The following PLCH1 variants were observed in gnomAD, a reference collection of about 807,000 sequenced individuals.
The protein encoded by PLCH1 is 1-phosphatidylinositol 4,5-bisphosphate phosphodiesterase eta-1.
A neutral mutation model predicts 126.7 loss-of-function variants in PLCH1; 60 were observed. The ratio of observed to expected loss-of-function variants is 0.47; its 90% CI spans 0.38 to 0.59. The LOEUF is 0.59. Among genes scored for constraint, PLCH1 ranks in the 20% least tolerant of loss-of-function variants. The pLI, the probability that PLCH1 is intolerant of heterozygous loss-of-function variation, is 0.00. For synonymous variants in PLCH1, 719 were observed against 734.9 expected, an observed-to-expected ratio of 0.98 and a Z score of 0.35; for missense variants, 1,723 against 2,040.0, an observed-to-expected ratio of 0.84 and a Z score of 2.99.
intron 10 of PLCH1, among the ~76,000 whole-genome samples, chr3:155,541,771 C>G (rs941657224): frequency 6.6e-6 from 1 of 151,918 alleles, no homozygotes; most frequent in Admixed American, 6.6e-5. Flanking sequence ...AAAAACAGTG[C>G]CGAAAGACTT....
chr3:155,708,294 G>T (rs1243033600), intron 1 of PLCH1, among the ~76,000 whole-genome samples: 1 of 152,192 alleles, frequency 6.6e-6, no homozygotes, highest in Non-Finnish European at 1.5e-5. Context: ...GTAGGCCTGG[G>T]GCAAGGGAAG....
At chr3:155,563,384 C>T (rs1727892746) in intron 8 of PLCH1, among the ~76,000 whole-genome samples, 1 of 152,200 alleles carries the variant, frequency 6.6e-6, no homozygotes, top group South Asian at 2.1e-4. Context: ...CTCATTTAGA[C>T]TCTTGTTCTC....
At chr3:155,670,488 A>T (rs1743301160) in intron 2 of PLCH1, among the ~76,000 whole-genome samples, 1 of 152,162 alleles carries the variant, frequency 6.6e-6, no homozygotes, top group African/African-American at 2.4e-5. Flanking sequence ...GATCGATAGA[A>T]ATAATCATTC....
At chr3:155,515,953 C>A (rs1399590888) in intron 11 of PLCH1, among the ~76,000 whole-genome samples, 2 of 152,200 alleles carry the variant, frequency 1.3e-5, no homozygotes, top group Non-Finnish European at 2.9e-5. Context: ...ATAATGCATT[C>A]ATTTTCACAA....
intron 12 of PLCH1, among the ~76,000 whole-genome samples, chr3:155,509,227 T>C (rs1264387065): frequency 7.6e-6 from 1 of 131,524 alleles, no homozygotes; most frequent in East Asian, 2.0e-4. Context: ...TTATTGTGTC[T>C]ATTTGATTCT....
intron 2 of PLCH1, among the ~76,000 whole-genome samples, chr3:155,660,652 G>A (rs1742023972): frequency 5.3e-5 from 8 of 152,308 alleles, no homozygotes. Flanking sequence ...GTTGGGGGTA[G>A]GGGGTTTGCC....
intron 4 of PLCH1, among the ~76,000 whole-genome samples, chr3:155,588,885 T>C (rs1731728251): frequency 6.6e-6 from 1 of 152,200 alleles, no homozygotes; most frequent in Non-Finnish European, 1.5e-5. Flanking sequence ...TTGAAATCCC[T>C]TCCAACTCTA....
intron 11 of PLCH1, among the ~76,000 whole-genome samples, chr3:155,518,048 C>A (rs1720590690): frequency 6.6e-6 from 1 of 152,128 alleles, no homozygotes; most frequent in South Asian, 2.1e-4. Flanking sequence ...TGTTTTTTCC[C>A]ATATAGTAAT....
chr3:155,610,901 A>C (rs1466581005), intron 2 of PLCH1, among the ~76,000 whole-genome samples: 1 of 152,208 alleles, frequency 6.6e-6, no homozygotes, highest in Non-Finnish European at 1.5e-5. Flanking sequence ...TAAATGCTCC[A>C]CTTGAAAGAT....
In PLCH1 at chr3:155,596,338, C is replaced by A. The variant is rs1732986391; in HGVS notation, c.120G>T (p.Met40Ile). The change falls in exon 3 of 23, where the codon ATG (methionine) becomes ATT (isoleucine). Residue 40 changes from methionine (M) to isoleucine (I), a missense_variant. Coordinates refer to ENST00000460012, the MANE Select transcript of PLCH1 (RefSeq NM_014996.4). ...CTTTGGTTCCACGTTTCAGCTTGAT[C>A]ATCTGTGTCCCGGACTGCATCACAC... Reference protein sequence around the residue: ...CMSVMQSGTQMIKLKRGTKGL... With the variant: ...CMSVMQSGTQIIKLKRGTKGL... 6.2e-7 allele frequency: 1 copy of A among 1,613,680 alleles called. No individual in the cohort carries two copies. The highest frequency in any genetic ancestry group is 8.5e-7 in the Non-Finnish European group (1 of 1,179,718).
chr3:155,456,831 C>T (rs182787002), intron 21 of PLCH1: 2 of 153,118 alleles, frequency 1.3e-5, no homozygotes, highest in African/African-American at 4.8e-5. Context: ...AAAATTTCTA[C>T]TCATCCTTCA....
At chr3:155,516,972 T>C (rs1410893237) in intron 11 of PLCH1, among the ~76,000 whole-genome samples, 1 of 152,064 alleles carries the variant, frequency 6.6e-6, no homozygotes, top group Non-Finnish European at 1.5e-5. Flanking sequence ...TCCAGGAGCA[T>C]AAGAAACCTG....
intron 1 of PLCH1, among the ~76,000 whole-genome samples, chr3:155,720,845 A>G (rs1747895862): frequency 6.6e-6 from 1 of 152,226 alleles, no homozygotes; most frequent in Admixed American, 6.5e-5. Flanking sequence ...CAGAATTTGT[A>G]AAGTTTCAGG....
intron 21 of PLCH1, among the ~76,000 whole-genome samples, chr3:155,469,063 G>C (rs545287176): frequency 6.6e-6 from 1 of 152,254 alleles, no homozygotes; most frequent in African/African-American, 2.4e-5. Flanking sequence ...TGGAATAATA[G>C]GGGGAGGAGC....
Position 155,583,532 on chromosome 3 carries a change from A to G in PLCH1, c.711T>C (p.Ser237=), listed in dbSNP as rs989799328. ...RDLYLLLLSY[S]DKKDHLTVEE... ...CCACAGTTAGGTGATCTTTCTTGTC[A>G]CTGTAGCTCAAAAGTAACAAATAAA... Residue 237 remains serine, a synonymous_variant, in exon 6 of 23, where the codon AGT becomes AGC. Transcript: ENST00000460012. The G allele has an allele frequency of 2.5e-6, 4 of 1,606,678 alleles. No homozygotes were observed. The highest frequency in any genetic ancestry group is 3.4e-6 in the Non-Finnish European group (4 of 1,177,816).
intron 21 of PLCH1, among the ~76,000 whole-genome samples, chr3:155,467,846 G>A (rs1198397879): frequency 6.6e-6 from 1 of 152,176 alleles, no homozygotes; most frequent in East Asian, 1.9e-4. Context: ...TATAAGAAAT[G>A]TTAAAGGGAA....
chr3:155,706,438 G>A (rs552279424), intron 1 of PLCH1, among the ~76,000 whole-genome samples: 17 of 150,682 alleles, frequency 1.1e-4, no homozygotes, highest in African/African-American at 3.7e-4. Context: ...TGACCAACAT[G>A]GTGAAATCCC....
At chr3:155,717,216 C>G (rs573917840) in intron 1 of PLCH1, among the ~76,000 whole-genome samples, 1 of 152,388 alleles carries the variant, frequency 6.6e-6, no homozygotes, top group East Asian at 1.9e-4. Flanking sequence ...TGTTCAGCCT[C>G]TGCAGCTGCT....
chr3:155,741,477 G>C (rs571762985), intron 1 of PLCH1, among the ~76,000 whole-genome samples: 3 of 152,122 alleles, frequency 2.0e-5, no homozygotes, highest in African/African-American at 7.2e-5. Context: ...AAAGATGAGA[G>C]TTTCCCTAAC....
Sources: gnomAD v4.1 joint callset for allele counts (sites outside exome capture counted in the v4.1 genomes callset) on GRCh38, gnomAD v4.1.1 for gene constraint, MANE v1.5 for transcripts, NCBI Gene and HGNC (gene_info 2026-07-23, HGNC 2026-07-21) for gene names.